The following PCDHA2 variants were observed in gnomAD, a reference collection of about 807,000 sequenced individuals.
PCDHA2 encodes protocadherin alpha 2, also known as protocadherin alpha-2.
In PCDHA2, 58 loss-of-function variants were observed where a neutral mutation model predicts 66.0. That is an observed-to-expected ratio of 0.88 (90% CI 0.71 to 1.09). The LOEUF (loss-of-function observed/expected upper bound fraction) is 1.09. Among genes scored for constraint, PCDHA2 ranks in the 50% least tolerant of loss-of-function variants. The pLI is 0.00. For synonymous variants in PCDHA2, 634 were observed against 554.0 expected (o/e 1.14, Z -2.03); for missense variants, 1,267 against 1,242.3 (o/e 1.02, Z -0.30).
intron 1 of PCDHA2, chr5:140,822,859 G>T (rs1554128922): frequency 1.2e-6 from 2 of 1,614,176 alleles, no homozygotes; most frequent in South Asian, 1.1e-5. Context: ...CAAAGAGGAC[G>T]CTCCACTCAG....
rs112292443 is a variant in PCDHA2 at position 140,899,661 on chromosome 5, C to T, written c.2389-79288C>T. Among the ~76,000 whole-genome samples the T allele has an allele frequency of 4.4e-3, 665 of 152,224 alleles. 7 individuals carry two copies. Among genetic ancestry groups the T allele is most frequent in the African/African-American group, 0.015 (620 of 41,530 alleles). ...ATTCTCTTATTTGGTTGTGTCTCTGCCCGGCTTTGGTATCAGGATGATGCT... is the reference window on the plus strand; with the variant it reads ...ATTCTCTTATTTGGTTGTGTCTCTGTCCGGCTTTGGTATCAGGATGATGCT... On this transcript the variant is annotated intron_variant, in intron 1 of 3. Transcript: ENST00000526136.
At chr5:140,913,318 T>C (rs953831117) in intron 1 of PCDHA2, among the ~76,000 whole-genome samples, 1 of 152,188 alleles carries the variant, frequency 6.6e-6, no homozygotes, top group African/African-American at 2.4e-5. Flanking sequence ...CTTGGTAAGT[T>C]GTATGTGTCT....
At chr5:140,904,558 T>C (rs1288543737) in intron 1 of PCDHA2, among the ~76,000 whole-genome samples, 1 of 152,082 alleles carries the variant, frequency 6.6e-6, no homozygotes, top group Non-Finnish European at 1.5e-5. Flanking sequence ...ATAATGACTT[T>C]TTTTTCCTCT....
chr5:140,823,891 G>T, intron 1 of PCDHA2: 5 of 1,613,962 alleles, frequency 3.1e-6, no homozygotes, highest in Non-Finnish European at 4.2e-6. Context: ...CATCTGTGCG[G>T]TGTCCAGCCT....
At chr5:140,993,337 G>A (rs2097550534) in intron 3 of PCDHA2, among the ~76,000 whole-genome samples, 1 of 151,924 alleles carries the variant, frequency 6.6e-6, no homozygotes, top group African/African-American at 2.4e-5. Context: ...GTGATTTGAA[G>A]GGCACTACGA....
At chr5:140,824,418 A>T in intron 1 of PCDHA2, 1 of 513,258 alleles carries the variant, frequency 1.9e-6, no homozygotes, top group Middle Eastern at 5.0e-4. Context: ...CATAGTTTGG[A>T]GTCATTCTCA....
intron 1 of PCDHA2, among the ~76,000 whole-genome samples, chr5:140,941,214 C>CCTTCCTTTCTTTCTTTCTTTCTTT (rs1554214040): frequency 1.1e-4 from 13 of 122,412 alleles, no homozygotes; most frequent in Non-Finnish European, 1.5e-4. Flanking sequence ...TTTCTTTCTT[C>CCTTCCTTTCTTTCTTTCTTTCTTT]CTTTCTTTCT....
intron 1 of PCDHA2, among the ~76,000 whole-genome samples, chr5:140,941,191 T>TTTCTTTCTTCCTTTCTTCC (rs1487503403): frequency 1.1e-5 from 1 of 93,258 alleles, no homozygotes; most frequent in African/African-American, 3.9e-5. Flanking sequence ...GCTTCTTTTT[T>TTTCTTTCTTCCTTTCTTCC]TTTCTTTCTT....
intron 1 of PCDHA2, chr5:140,834,143 T>C: frequency 1.9e-6 from 1 of 514,248 alleles, no homozygotes. Flanking sequence ...GATTAATAGT[T>C]TGTAATGGTT....
Position 140,797,275 on chromosome 5 carries a change from G to A in PCDHA2, c.2311G>A (p.Ala771Thr), listed in dbSNP as rs1762206785. 2 of 1,614,224 alleles carry A rather than the reference G, an allele frequency of 1.2e-6. No homozygotes were observed. Among genetic ancestry groups the A allele is most frequent in the South Asian group, 1.1e-5 (1 of 91,086 alleles). The change falls in exon 1 of 4, where the codon GCC (alanine) becomes ACC (threonine). Residue 771 changes from alanine (A) to threonine (T), a missense_variant. Physicochemically the swap from Ala to Thr is moderately conservative, Grantham distance 58 (BLOSUM62 0). Transcript: ENST00000526136. Reference sequence around the variant, plus strand: ...GGACCCCCCCAAGACGGACCTCATGGCCTTCAGCCCTAGCTTATCTCAAGG... The same window carrying A: ...GGACCCCCCCAAGACGGACCTCATGACCTTCAGCCCTAGCTTATCTCAAGG... ...GEDPPKTDLM[A>T]FSPSLSQGPD...
intron 1 of PCDHA2, among the ~76,000 whole-genome samples, chr5:140,881,147 A>T (rs982102013): frequency 1.3e-5 from 2 of 152,356 alleles, no homozygotes; most frequent in East Asian, 3.9e-4. Context: ...ATAACAATAG[A>T]TAAAAGTAAG....
intron 1 of PCDHA2, chr5:140,829,821 T>C (rs2150175434): frequency 1.2e-6 from 2 of 1,613,858 alleles, no homozygotes; most frequent in South Asian, 2.2e-5. Flanking sequence ...GGTGGTGCAG[T>C]GAGCGAGCTG....
At chr5:140,969,933 C>T (rs2096370749) in intron 1 of PCDHA2, among the ~76,000 whole-genome samples, 1 of 152,192 alleles carries the variant, frequency 6.6e-6, no homozygotes, top group South Asian at 2.1e-4. Context: ...ATTTAGACAT[C>T]ATACTGAAGC....
chr5:140,824,239 G>A lies in PCDHA2; in HGVS notation c.2388+26887G>A, dbSNP rs2150133402. The A allele has an allele frequency of 4.7e-6, 7 of 1,502,088 alleles. No individual in the cohort carries two copies. The East Asian group carries it at 6.8e-5, about 14-fold the overall frequency. The allele number at this position is 1,502,088 out of a possible 1,614,324, so 93.0% of individuals were successfully genotyped here. On this transcript the variant is annotated intron_variant, in intron 1 of 3. Coordinates refer to ENST00000526136, the MANE Select transcript of PCDHA2 (RefSeq NM_018905.3). The stretch of plus-strand genomic sequence containing the variant: ...AATTATGTCTTAGTACACAAATATT[G>A]TGGTACACAATTATTGCACTAATTC...
intron 1 of PCDHA2, chr5:140,866,915 A>C (rs1413291718): frequency 6.6e-6 from 1 of 152,138 alleles, no homozygotes. Context: ...CTCAAAGATG[A>C]GTTCAAAGGG....
At chr5:140,836,491 C>G (rs2150261960) in intron 1 of PCDHA2, 33 of 1,613,882 alleles carry the variant, frequency 2.0e-5, no homozygotes, top group Admixed American at 3.3e-5. Context: ...CTGATCATCG[C>G]CATCTGCGCG....
chr5:140,802,052 G>A (rs782437392), intron 1 of PCDHA2: 42 of 1,614,064 alleles, frequency 2.6e-5, no homozygotes, highest in Middle Eastern at 3.3e-4. Context: ...ATACGGACAT[G>A]TCAGCAGATA....
At chr5:140,837,111 G>A (rs1774917458) in intron 1 of PCDHA2, 1 of 158,706 alleles carries the variant, frequency 6.3e-6, no homozygotes, top group Non-Finnish European at 1.4e-5. Flanking sequence ...TAATATATAT[G>A]TTACCTAATA....
chr5:140,848,513 A>T, intron 1 of PCDHA2: 2 of 1,590,760 alleles, frequency 1.3e-6, no homozygotes, highest in Non-Finnish European at 1.7e-6. Context: ...ACTCAAGTCG[A>T]GGAGATCCAG....
Sources: gnomAD v4.1 joint callset for allele counts (sites outside exome capture counted in the v4.1 genomes callset) on GRCh38, gnomAD v4.1.1 for gene constraint, MANE v1.5 for transcripts, NCBI Gene and HGNC (gene_info 2026-07-23, HGNC 2026-07-21) for gene names.